The following HSPA8 variants were observed in gnomAD, a reference collection of about 807,000 sequenced individuals.
HSPA8 encodes the protein heat shock cognate 71 kDa protein.
A neutral mutation model predicts 52.8 loss-of-function variants in HSPA8; 2 were observed. That is an observed-to-expected ratio of 0.04 (90% CI 0.02 to 0.12). HSPA8 has a LOEUF of 0.12. HSPA8 is among the 10% of genes least tolerant of loss of function. The probability of loss-of-function intolerance (pLI) is 1.00; values close to 1 mark genes in which losing one functional copy is unlikely to be tolerated. For synonymous variants in HSPA8, 436 were observed against 274.0 expected, an observed-to-expected ratio of 1.59 and a Z score of -5.84; for missense variants, 349 against 800.5, an observed-to-expected ratio of 0.44 and a Z score of 6.81.
rs1555074072 is a variant in HSPA8 at position 123,058,244 on chromosome 11, A to AAAC, written c.1755+7_1755+8insGTT. The AAAC allele has an allele frequency of 6.0e-6, 9 of 1,512,204 alleles. No individual in the cohort carries two copies. The highest frequency in any genetic ancestry group is 3.5e-5 in the South Asian group (3 of 85,312). The allele number at this position is 1,512,204 out of a possible 1,614,324, so 93.7% of individuals were successfully genotyped here. A position where few individuals can be genotyped will look rare whatever the true frequency, so the allele number is the denominator to read the frequency against. ...GGGGGAGGAAAAAAAAAAAAAAAAA[A>AAAC]CACAAACCTGATTCTTATCAAGCCA... On this transcript the variant is annotated splice_region_variant and intron_variant, in intron 8 of 8. Transcript: ENST00000534624.
At chr11:123,061,803 T>C (rs901597519) in intron 1 of HSPA8, 1 of 162,140 alleles carries the variant, frequency 6.2e-6, no homozygotes, top group Non-Finnish European at 1.4e-5. Context: ...GCAGCAACCC[T>C]CCCCCGCCAC....
rs377257990 is a variant in HSPA8, at chr11:123,058,786, A to G, written c.1368T>C (p.Leu456=). The G allele has an allele frequency of 6.2e-7, 1 of 1,614,188 alleles. No homozygotes were observed. The highest frequency in any genetic ancestry group is 8.5e-7 in the Non-Finnish European group (1 of 1,180,036). ...GTATGCCTGTGAGTTCAAACTTGCC[A>G]AGCAGGTTGTTATCCTTTGTCATGG... ...ERAMTKDNNL[L]GKFELTGIPP... The change falls in exon 7 of 9, where the codon CTT becomes CTC. Residue 456 remains leucine, a synonymous_variant. Coordinates refer to ENST00000534624, the MANE Select transcript of HSPA8 (RefSeq NM_006597.6).
chr11:123,058,327 G>C lies in HSPA8; in HGVS notation c.1680C>G (p.Gly560=). 6.2e-7 allele frequency: 1 copy of C among 1,612,080 alleles called. No individual in the cohort carries two copies. Among genetic ancestry groups the C allele is most frequent in the Non-Finnish European group, 8.5e-7 (1 of 1,179,404 alleles). The change falls in exon 8 of 9, where the codon GGC becomes GGG. Residue 560 remains glycine (G), a synonymous_variant. Transcript: ENST00000534624. The part of the protein sequence containing the change: ...KATVEDEKLQ[G]KINDEDKQKI... ...TCTGTTTGTCCTCATCGTTAATCTT[G>C]CCTTGAAGTTTCTCATCTTCAACAG...
At chr11:123,061,949 G>T in intron 1 of HSPA8, 115 bp downstream of exon 1, 1 of 155,904 alleles carries the variant, frequency 6.4e-6, no homozygotes, top group Non-Finnish European at 1.4e-5. Context: ...AGAAGGAGCC[G>T]CACACTCGCC....
In HSPA8 at chr11:123,060,544, G is replaced by A. The variant is rs761336426; in HGVS notation, c.411+49C>T. 7.9e-6 allele frequency: 11 copies of A among 1,399,360 alleles called. No individual in the cohort carries two copies. The Admixed American group carries it at 8.5e-5, about 11-fold the overall frequency. The allele number at this position is 1,399,360 out of a possible 1,614,324, so 86.7% of individuals were successfully genotyped here. On this transcript the variant is annotated intron_variant, in intron 3 of 8. Transcript: ENST00000534624. ...GTGCCAGTGCCCCCGGGAGTCATCG[G>A]GCTTTTAACTACTCCGGAATGCACC... is the stretch of plus-strand genomic sequence containing the variant.
Position 123,061,267 on chromosome 11 carries a change from C to G in HSPA8, c.58G>C (p.Val20Leu). 1 of 1,613,964 alleles carries G rather than the reference C, an allele frequency of 6.2e-7. No individual in the cohort carries two copies. The highest frequency in any genetic ancestry group is 8.5e-7 in the Non-Finnish European group (1 of 1,179,852). ...DLGTTYSCVG[V>L]FQHGKVEIIA... Reference sequence around the variant, plus strand: ...ATCTCGACTTTTCCGTGCTGGAAAACACCCACACAAGAGTAGGTGGTGCCA... The same window carrying G: ...ATCTCGACTTTTCCGTGCTGGAAAAGACCCACACAAGAGTAGGTGGTGCCA... Residue 20 changes from valine to leucine, a missense_variant, in exon 2 of 9, where the codon GTT becomes CTT. By Grantham distance (32) the Val-to-Leu change is conservative. Coordinates refer to ENST00000534624, the MANE Select transcript of HSPA8 (RefSeq NM_006597.6).
In HSPA8 at chr11:123,060,966, G is replaced by T. The variant is rs150009143; in HGVS notation, c.205+154C>A. Reference sequence around the variant, plus strand: ...TCCTACGTTATCCAGATTTCAGCCTGAAAGGTTTCTACAACCTGTTTTATA... The same window carrying T: ...TCCTACGTTATCCAGATTTCAGCCTTAAAGGTTTCTACAACCTGTTTTATA... On this transcript the variant is annotated intron_variant, in intron 2 of 8. Transcript: ENST00000534624. The T allele has an allele frequency of 5.1e-4, 456 of 896,412 alleles. 2 individuals are homozygous for T. The African/African-American group carries it at 5.2e-3, about 10-fold the overall frequency. 55.5% of individuals were successfully genotyped at this position (896,412 alleles called of 1,614,324 possible). A position where few individuals can be genotyped will look rare whatever the true frequency, so the allele number is the denominator to read the frequency against.
chr11:123,060,911 ATATAGG>A, intron 2 of HSPA8, 113 bp from the exon 3 acceptor site: 1 of 1,009,416 alleles, frequency 9.9e-7, no homozygotes, highest in Non-Finnish European at 1.5e-6. Flanking sequence ...TTCAACTACC[ATATAGG>A]TAGCAAAGGT....
rs1865340847 is a variant in HSPA8 at position 123,057,548 on chromosome 11, C to T, written c.*186G>A. The T allele has an allele frequency of 2.0e-6, 1 of 506,910 alleles. No individual in the cohort carries two copies. Among genetic ancestry groups the T allele is most frequent in the East Asian group, 3.4e-5 (1 of 29,832 alleles). 31.4% of individuals were successfully genotyped at this position (506,910 alleles called of 1,614,324 possible). A position where few individuals can be genotyped will look rare whatever the true frequency, so the allele number is the denominator to read the frequency against. On this transcript the variant is annotated 3_prime_UTR_variant, in exon 9 of 9. Transcript: ENST00000534624. ...GACATTGCATTTTCCACTTACAATA[C>T]AGTGTTTATAAAGTGCAATGTTATT...
At position 123,058,708 on chromosome 11, in the gene HSPA8, G is replaced by A. The variant is rs1464591027; in HGVS notation, c.1446C>T (p.Ala482=). 1 of 1,613,408 alleles carries A rather than the reference G, an allele frequency of 6.2e-7. No individual in the cohort carries two copies. Residue 482 remains alanine, a synonymous_variant, in exon 7 of 9, where the codon GCC becomes GCT. Coordinates refer to ENST00000534624, the MANE Select transcript of HSPA8 (RefSeq NM_006597.6). ...PQIEVTFDID[A]NGILNVSAVD... ...CAGCAGAGACATTGAGTATACCATT[G>A]GCATCAATGTCAAAAGTGACTTCAA...
intron 3 of HSPA8, 51 bp downstream of exon 3, chr11:123,060,542 C>G: frequency 1.4e-6 from 2 of 1,386,004 alleles, no homozygotes; most frequent in South Asian, 1.2e-5. Context: ...CGGGAGTCAT[C>G]GGGCTTTTAA....
rs1264272522 is a variant in HSPA8 at position 123,061,268 on chromosome 11, A to G, written c.57T>C (p.Gly19=). ...IDLGTTYSCV[G]VFQHGKVEII... ...TCTCGACTTTTCCGTGCTGGAAAAC[A>G]CCCACACAAGAGTAGGTGGTGCCAA... The change falls in exon 2 of 9, where the codon GGT becomes GGC. Residue 19 remains glycine (G), a synonymous_variant. Coordinates refer to ENST00000534624, the MANE Select transcript of HSPA8 (RefSeq NM_006597.6). The G allele has an allele frequency of 6.2e-7, 1 of 1,613,990 alleles. No homozygotes were observed. The highest frequency in any genetic ancestry group is 1.1e-5 in the South Asian group (1 of 91,080).
At chr11:123,058,226 G>GAAAAA (rs71057327) in intron 8 of HSPA8, 26 bp downstream of exon 8, 11,170 of 1,004,362 alleles carry the variant, frequency 0.011, 35 homozygotes, top group African/African-American at 0.022. Context: ...AGTGGGGGAG[G>GAAAAA]AAAAAAAAAA....
rs963847272 is a variant in HSPA8 at position 123,057,918 on chromosome 11, G to A, written c.1757C>T (p.Thr586Ile). 1 of 1,594,088 alleles carries A rather than the reference G, an allele frequency of 6.3e-7. No homozygotes were observed. The highest frequency in any genetic ancestry group is 1.8e-5 in the Admixed American group (1 of 54,696). The change falls in exon 9 of 9, where the codon ACT (threonine) becomes ATT (isoleucine). Residue 586 changes from threonine (T) to isoleucine (I), a missense_variant and splice_region_variant. Thr to Ile is a moderately conservative substitution (Grantham distance 89, BLOSUM62 -1). Transcript: ENST00000534624. ...ATGTTCAAATTCTTCCTTCTCAGCA[G>A]TCTGAGGAAGAGAAAAAGGAATTAC... ...EIINWLDKNQTAEKEEFEHQQ... is the reference protein window; with the variant it reads ...EIINWLDKNQIAEKEEFEHQQ...
chr11:123,059,912 G>A lies in HSPA8; in HGVS notation c.681C>T (p.His227=). 2 of 1,613,760 alleles carry A rather than the reference G, an allele frequency of 1.2e-6. No individual in the cohort carries two copies. Among genetic ancestry groups the A allele is most frequent in the Non-Finnish European group, 1.7e-6 (2 of 1,180,000 alleles). The change falls in exon 5 of 9, where the codon CAC becomes CAT. Residue 227 remains histidine, a synonymous_variant. Transcript: ENST00000534624. ...FEVKSTAGDT[H]LGGEDFDNRM... ...GGTTGTCAAAATCTTCTCCACCCAA[G>A]TGGGTGTCTCCAGCTGTAGACTTGA... is the stretch of plus-strand genomic sequence containing the variant.
chr11:123,058,899 G>A (rs777064602), intron 6 of HSPA8, 69 bp from the exon 7 acceptor site: 49 of 1,494,850 alleles, frequency 3.3e-5, no homozygotes, highest in African/African-American at 5.5e-5. Flanking sequence ...GTCCTGCTAA[G>A]GAAGAATGGT....
rs1347768911 is a variant in HSPA8, at chr11:123,057,661, G to C, written c.*73C>G. 2 of 1,281,276 alleles carry C rather than the reference G, an allele frequency of 1.6e-6. No homozygotes were observed. The highest frequency in any genetic ancestry group is 1.5e-5 in the African/African-American group (1 of 66,416). 79.4% of individuals were successfully genotyped at this position (1,281,276 alleles called of 1,614,324 possible). ...AGCTTAACTTTTTAAAACTGCCACA[G>C]AATTTGCTACGAATTTAGGTCCTTC... On this transcript the variant is annotated 3_prime_UTR_variant, in exon 9 of 9. Transcript: ENST00000534624.
chr11:123,057,938 A>G lies in HSPA8; in HGVS notation c.1756-19T>C, dbSNP rs749478600. 3 of 1,559,316 alleles carry G rather than the reference A, an allele frequency of 1.9e-6. No individual in the cohort carries two copies. In the Admixed American group the frequency reaches 5.8e-5, roughly 30 times the overall value. On this transcript the variant is annotated intron_variant, in intron 8 of 8. Coordinates refer to ENST00000534624, the MANE Select transcript of HSPA8 (RefSeq NM_006597.6). ...CAGCAGTCTGAGGAAGAGAAAAAGG[A>G]ATTACTGCAAGTTCTTTTAATGTTA...
In HSPA8 at chr11:123,062,068, G is replaced by GAT. The variant is rs1565370453; in HGVS notation, c.-11_-10insAT. On this transcript the variant is annotated 5_prime_UTR_variant, in exon 1 of 9. Transcript: ENST00000534624. ...ACTCTTGAGCAGAGGTTTTACCTGG[G>GAT]GTGTAGGCCTGGCTCCAATAACGAA... is the stretch of plus-strand genomic sequence containing the variant. The GAT allele has an allele frequency of 6.6e-6, 1 of 152,402 alleles. No homozygotes were observed. The highest frequency in any genetic ancestry group is 1.5e-5 in the Non-Finnish European group (1 of 68,288). The allele number at this position is 152,402 out of a possible 1,614,324, so 9.4% of individuals were successfully genotyped here.
Sources: allele counts gnomAD v4.1 joint callset, GRCh38; gene constraint gnomAD v4.1.1; transcripts MANE v1.5; gene names NCBI Gene and HGNC (gene_info 2026-07-23, HGNC 2026-07-21).